Variants in ZC3H18 observed in about 807,000 individuals in gnomAD.
ZC3H18 encodes zinc finger CCCH domain-containing protein 18.
A neutral mutation model predicts 106.1 loss-of-function variants in ZC3H18; 8 were observed. The ratio of observed to expected loss-of-function variants is 0.08; its 90% CI spans 0.04 to 0.14. The LOEUF is 0.14. ZC3H18 is among the 10% of genes least tolerant of loss of function. The pLI is 1.00. For synonymous variants in ZC3H18, 635 were observed against 522.1 expected (o/e 1.22, Z -2.95); for missense variants, 1,318 against 1,278.4 (o/e 1.03, Z -0.47).
At position 88,625,250 on chromosome 16, in the gene ZC3H18, T is replaced by C. The variant is rs1461797753; in HGVS notation, c.2091T>C (p.Gly697=). Residue 697 remains glycine, a synonymous_variant, in exon 13 of 18, where the codon GGT becomes GGC. Coordinates refer to ENST00000301011, the MANE Select transcript of ZC3H18 (RefSeq NM_144604.4). ...SGSGSGSSYS[G]SSSRSRSLSV... is the part of the protein sequence containing the mutation. ...GTGGCAGTGGTAGCAGCTATAGTGG[T>C]TCCAGCTCCCGATCCAGGTCATCCC... is the stretch of plus-strand genomic sequence containing the variant. 1.3e-6 allele frequency: 2 copies of C among 1,593,304 alleles called. No individual in the cohort carries two copies. The highest frequency in any genetic ancestry group is 1.7e-6 in the Non-Finnish European group (2 of 1,170,230).
intron 17 of ZC3H18, 59 bp downstream of exon 17, chr16:88,630,640 C>T (rs1388618022): frequency 6.9e-7 from 1 of 1,450,636 alleles, no homozygotes; most frequent in Non-Finnish European, 9.4e-7. Context: ...CAGTCGCTTC[C>T]CCAGGGAGGC....
intron 6 of ZC3H18, among the ~76,000 whole-genome samples, chr16:88,603,801 T>G (rs1375393023): frequency 1.3e-5 from 2 of 150,438 alleles, no homozygotes; most frequent in Non-Finnish European, 3.0e-5. Flanking sequence ...TTTTTTTTTT[T>G]TTTTTGTATT....
intron 8 of ZC3H18, among the ~76,000 whole-genome samples, 186 bp from the exon 9 acceptor site, chr16:88,622,011 A>T (rs140864927): frequency 9.8e-5 from 15 of 152,316 alleles, no homozygotes; most frequent in African/African-American, 3.4e-4. Flanking sequence ...GGCCATGGAC[A>T]TCACCCAAGT....
At chr16:88,616,420 G>C (rs1464242059) in intron 8 of ZC3H18, among the ~76,000 whole-genome samples, 4 of 152,230 alleles carry the variant, frequency 2.6e-5, no homozygotes, top group African/African-American at 7.2e-5. Flanking sequence ...CCAGCAGCAG[G>C]GCTGACGTTC....
At position 88,625,214 on chromosome 16, in the gene ZC3H18, C is replaced by T. The variant is rs567883200; in HGVS notation, c.2055C>T (p.Ser685=). The T allele has an allele frequency of 7.2e-5, 115 of 1,590,346 alleles. 1 individual carries two copies. The East Asian group carries it at 2.3e-3, about 32-fold the overall frequency. Reference sequence around the variant, plus strand: ...GCTTGTATTACAGGCGGACGCTAAGCGGCAGCGGCAGTGGCAGTGGTAGCA... The same window carrying T: ...GCTTGTATTACAGGCGGACGCTAAGTGGCAGCGGCAGTGGCAGTGGTAGCA... ...ARTPPRRRTL[S]GSGSGSGSSY... The change falls in exon 13 of 18, where the codon AGC becomes AGT. Residue 685 remains serine (S), a synonymous_variant. Transcript: ENST00000301011.
At chr16:88,614,867 G>A (rs549679494) in intron 8 of ZC3H18, among the ~76,000 whole-genome samples, 1 of 152,282 alleles carries the variant, frequency 6.6e-6, no homozygotes, top group Admixed American at 6.5e-5. Context: ...CACTGCAAAG[G>A]TGCAGCCCAG....
chr16:88,588,752 CA>C (rs1214879943), intron 3 of ZC3H18, among the ~76,000 whole-genome samples: 2 of 151,888 alleles, frequency 1.3e-5, no homozygotes, highest in Non-Finnish European at 2.9e-5. Context: ...TGGTGGCACG[CA>C]TGTGTAGTCC....
At chr16:88,626,072 C>T (rs1311607851) in intron 13 of ZC3H18, 2 of 152,162 alleles carry the variant, frequency 1.3e-5, no homozygotes, top group African/African-American at 2.4e-5. Context: ...TTCCACCCAC[C>T]TTGGCCTCCC....
Position 88,598,607 on chromosome 16 carries a change from C to T in ZC3H18, c.838-13C>T, listed in dbSNP as rs761694721. 1.5e-5 allele frequency: 24 copies of T among 1,602,098 alleles called. No homozygotes were observed. Among genetic ancestry groups the T allele is most frequent in the Admixed American group, 6.8e-5 (4 of 58,928 alleles). The stretch of plus-strand genomic sequence containing the variant: ...TTTACTTTCTCACCTTCTCCCTTCT[C>T]GTTTTTCAATAGGGTGGGCCGGTAG... On this transcript the variant is annotated splice_polypyrimidine_tract_variant and intron_variant, in intron 4 of 17. Transcript: ENST00000301011.
At chr16:88,603,599 G>C (rs1904858618) in intron 6 of ZC3H18, among the ~76,000 whole-genome samples, 1 of 149,488 alleles carries the variant, frequency 6.7e-6, no homozygotes. Context: ...ACTCCAGCCT[G>C]GGCAACAGAG....
intron 13 of ZC3H18, 70 bp downstream of exon 13, chr16:88,625,337 G>T (rs1024968743): frequency 9.1e-6 from 14 of 1,543,966 alleles, no homozygotes; most frequent in Non-Finnish European, 1.2e-5. Context: ...GAAGCAGCCA[G>T]TGTGGGTTGG....
intron 6 of ZC3H18, among the ~76,000 whole-genome samples, chr16:88,604,094 A>G (rs955051033): frequency 5.3e-5 from 8 of 152,286 alleles, no homozygotes; most frequent in African/African-American, 1.4e-4. Flanking sequence ...AGTAATGTCT[A>G]TAATCCTAGT....
rs772277198 is a variant in ZC3H18 at position 88,611,331 on chromosome 16, G to C, written c.1270G>C (p.Asp424His). ...CGAGCGCGAGCGGGAGCGGGAGCGG[G>C]ACCGAGAGCGGGAGCGCCGGCAGAG... Reference protein sequence around the residue: ...QRERERERERDRERERRQRER... With the variant: ...QRERERERERHRERERRQRER... The change falls in exon 8 of 18, where the codon GAC (aspartate) becomes CAC (histidine). Residue 424 changes from aspartate (D) to histidine (H), a missense_variant. This residue lies in a region of ZC3H18 where 848 missense variants were observed against 821.7 expected (regional missense o/e 1.03). Coordinates refer to ENST00000301011, the MANE Select transcript of ZC3H18 (RefSeq NM_144604.4). 2 of 769,004 alleles carry C rather than the reference G, an allele frequency of 2.6e-6. No homozygotes were observed. The highest frequency in any genetic ancestry group is 5.3e-5 in the East Asian group (2 of 37,550). The allele number at this position is 769,004 out of a possible 1,614,324, so 47.6% of individuals were successfully genotyped here. A position where few individuals can be genotyped will look rare whatever the true frequency, so the allele number is the denominator to read the frequency against.
At chr16:88,619,619 T>C (rs1474032593) in intron 8 of ZC3H18, among the ~76,000 whole-genome samples, 1 of 152,190 alleles carries the variant, frequency 6.6e-6, no homozygotes, top group Non-Finnish European at 1.5e-5. Flanking sequence ...TGCCCTGAGA[T>C]TGTGGAGGCC....
chr16:88,598,552 A>G, intron 4 of ZC3H18, 68 bp from the exon 5 acceptor site: 4 of 1,510,812 alleles, frequency 2.6e-6, no homozygotes, highest in Non-Finnish European at 3.6e-6. Context: ...TGATGTTTTT[A>G]CTGTCTGGTT....
At chr16:88,629,569 T>A (rs1906531585) in intron 16 of ZC3H18, among the ~76,000 whole-genome samples, 1 of 152,356 alleles carries the variant, frequency 6.6e-6, no homozygotes, top group East Asian at 1.9e-4. Flanking sequence ...CTCTTCAGTC[T>A]GGCTGACGGA....
intron 7 of ZC3H18, 64 bp from the exon 8 acceptor site, chr16:88,611,204 C>A: frequency 1.4e-6 from 1 of 711,170 alleles, no homozygotes; most frequent in South Asian, 1.6e-5. Context: ...GGAGCCAAGG[C>A]TTTCAGTGCC....
chr16:88,629,645 C>T (rs975758023), intron 16 of ZC3H18, among the ~76,000 whole-genome samples: 4 of 152,180 alleles, frequency 2.6e-5, no homozygotes, highest in South Asian at 2.1e-4. Flanking sequence ...GACTGAGTGA[C>T]GAGGCAGATA....
intron 3 of ZC3H18, among the ~76,000 whole-genome samples, chr16:88,589,057 T>TA (rs1915597311): frequency 6.6e-6 from 1 of 152,202 alleles, no homozygotes; most frequent in Non-Finnish European, 1.5e-5. Flanking sequence ...GCTGCTTTGT[T>TA]ATGAGAAATT....
Sources: allele counts gnomAD v4.1 joint callset (sites outside exome capture counted in the v4.1 genomes callset), GRCh38; gene constraint gnomAD v4.1.1; regional missense constraint gnomAD v4.1.1; transcripts MANE v1.5; gene names NCBI Gene and HGNC (gene_info 2026-07-23, HGNC 2026-07-21).